TACC2: variants seen among roughly 807,000 people sequenced by gnomAD.
TACC2 encodes the protein transforming acidic coiled-coil containing protein 2.
TACC2 carries 137 observed loss-of-function variants against 227.3 expected under a neutral mutation model. That is an observed-to-expected ratio of 0.60 (90% CI 0.52 to 0.69). The LOEUF (loss-of-function observed/expected upper bound fraction) is 0.69, where lower values mean the gene tolerates loss of function less well. Among genes scored for constraint, TACC2 ranks in the 30% least tolerant of loss-of-function variants. The pLI is 0.00. For missense variants in TACC2, 3,470 were observed against 3,694.4 expected (o/e 0.94, Z 1.57); for synonymous variants, 1,523 against 1,487.5 (o/e 1.02, Z -0.55).
intron 8 of TACC2, among the ~76,000 whole-genome samples, chr10:122,204,320 T>C (rs1215335315): frequency 6.6e-6 from 1 of 152,168 alleles, no homozygotes; most frequent in African/African-American, 2.4e-5. Context: ...GCCGGTGTTA[T>C]TTCCCCCATT....
In TACC2 at chr10:122,087,866, A is replaced by T; in HGVS notation, c.5366A>T (p.Asp1789Val). ...CCTGAGCGCCCCATTCCAGCTGGGG[A>T]TGGGAAGGTGTGCGTCTCCTCACCT... ...PGPERPIPAG[D>V]GKVCVSSPPE... Residue 1789 changes from aspartate (D) to valine (V), a missense_variant, in exon 4 of 23, where the codon GAT becomes GTT. Asp to Val is a radical substitution (Grantham distance 152, BLOSUM62 -3). Transcript: ENST00000369005. The T allele has an allele frequency of 1.3e-6, 2 of 1,522,158 alleles. No homozygotes were observed. Among genetic ancestry groups the T allele is most frequent in the East Asian group, 2.3e-5 (1 of 44,072 alleles). 94.3% of individuals were successfully genotyped at this position (1,522,158 alleles called of 1,614,324 possible).
At chr10:121,993,893 C>A (rs762759058) in intron 1 of TACC2, among the ~76,000 whole-genome samples, 6 of 152,148 alleles carry the variant, frequency 3.9e-5, no homozygotes, top group Non-Finnish European at 7.3e-5. Context: ...TTTGGCCTCC[C>A]CAAGTGCTGA....
chr10:122,219,773 C>T (rs1461817557), intron 11 of TACC2, among the ~76,000 whole-genome samples: 2 of 152,146 alleles, frequency 1.3e-5, no homozygotes, highest in Admixed American at 6.5e-5. Flanking sequence ...CGTGGTGGCT[C>T]ACACCTCTAA....
At chr10:122,093,770 TC>T (rs1452752362) in intron 5 of TACC2, among the ~76,000 whole-genome samples, 1 of 152,198 alleles carries the variant, frequency 6.6e-6, no homozygotes, top group Non-Finnish European at 1.5e-5. Context: ...TTGGAATGTT[TC>T]CAAAGCTCCT....
intron 19 of TACC2, among the ~76,000 whole-genome samples, chr10:122,242,441 G>A (rs911846191): frequency 1.3e-5 from 2 of 152,148 alleles, no homozygotes; most frequent in Middle Eastern, 3.2e-3. Context: ...AGTGGACCAC[G>A]GCGTGATTGT....
At position 122,131,162 on chromosome 10, in the gene TACC2, A is replaced by G. The variant is rs1040696698; in HGVS notation, c.5574-1447A>G. On this transcript the variant is annotated intron_variant, in intron 5 of 22. Transcript: ENST00000369005. ...CACTGCATTTCAGTCTGGGCAGCAGAGGGAGACGCTTTCTCAAAAAAAAAA... is the reference window on the plus strand; with the variant it reads ...CACTGCATTTCAGTCTGGGCAGCAGGGGGAGACGCTTTCTCAAAAAAAAAA... 2.0e-4 allele frequency among the ~76,000 whole-genome samples: 26 copies of G among 131,276 alleles called. No homozygotes were observed. In the South Asian group the frequency reaches 6.2e-3, roughly 32 times the overall value. The allele number at this position is 131,276 out of a possible 152,430, so 86.1% of individuals were successfully genotyped here. A position where few individuals can be genotyped will look rare whatever the true frequency, so the allele number is the denominator to read the frequency against.
chr10:122,133,557 A>G (rs774005534), intron 6 of TACC2, among the ~76,000 whole-genome samples: 1 of 152,140 alleles, frequency 6.6e-6, no homozygotes, highest in African/African-American at 2.4e-5. Context: ...ACACGCGTGC[A>G]CACATTTTAA....
At position 122,106,090 on chromosome 10, in the gene TACC2, C is replaced by T. The variant is rs928920158; in HGVS notation, c.5573+17499C>T. Among the ~76,000 whole-genome samples the T allele has an allele frequency of 3.6e-4, 54 of 151,096 alleles. 1 individual carries two copies. The highest frequency in any genetic ancestry group is 1.2e-3 in the Admixed American group (18 of 15,118). On this transcript the variant is annotated intron_variant, in intron 5 of 22. Coordinates refer to ENST00000369005, the MANE Select transcript of TACC2 (RefSeq NM_206862.4). Reference sequence around the variant, plus strand: ...GCAGCCTCCGCCTCCTGGGTTCAAGCGATTCTCCTGCCTCAGCCTCCCCAG... The same window carrying T: ...GCAGCCTCCGCCTCCTGGGTTCAAGTGATTCTCCTGCCTCAGCCTCCCCAG...
At chr10:122,026,990 T>C (rs1958115000) in intron 2 of TACC2, among the ~76,000 whole-genome samples, 1 of 152,196 alleles carries the variant, frequency 6.6e-6, no homozygotes, top group African/African-American at 2.4e-5. Context: ...GCGAGCGTGA[T>C]TGCTGAATCA....
At chr10:122,229,700 T>C (rs1382196290) in intron 15 of TACC2, among the ~76,000 whole-genome samples, 1 of 152,188 alleles carries the variant, frequency 6.6e-6, no homozygotes, top group Non-Finnish European at 1.5e-5. Flanking sequence ...GAACAAACCA[T>C]TTCTATTTCA....
chr10:122,000,795 G>A (rs746188719), intron 1 of TACC2, among the ~76,000 whole-genome samples: 1 of 151,506 alleles, frequency 6.6e-6, no homozygotes, highest in Non-Finnish European at 1.5e-5. Flanking sequence ...GTTTTGTTTT[G>A]TTTTCTGTTT....
At chr10:122,114,369 G>A (rs2084248843) in intron 5 of TACC2, among the ~76,000 whole-genome samples, 1 of 152,232 alleles carries the variant, frequency 6.6e-6, no homozygotes, top group Non-Finnish European at 1.5e-5. Context: ...TGAGATGCAC[G>A]TGCAGATTAA....
rs762000937 is a variant in TACC2, at chr10:122,087,946, C to A, written c.5446C>A (p.Leu1816Ile). 11 of 1,504,316 alleles carry A rather than the reference C, an allele frequency of 7.3e-6. No homozygotes were observed. Among genetic ancestry groups the A allele is most frequent in the Admixed American group, 4.7e-5 (2 of 42,992 alleles). 93.2% of individuals were successfully genotyped at this position (1,504,316 alleles called of 1,614,324 possible). A position where few individuals can be genotyped will look rare whatever the true frequency, so the allele number is the denominator to read the frequency against. ...GCTGCAACATTTGGCTCCAGAAGAG[C>A]TCCACACTGACAGGTACTTAAATGA... ...PKLQHLAPEE[L>I]HTDRESPRPG... The change falls in exon 4 of 23, where the codon CTC becomes ATC. Residue 1816 changes from leucine to isoleucine, a missense_variant. Physicochemically the swap from Leu to Ile is conservative, Grantham distance 5. Transcript: ENST00000369005.
rs1341641620 is a variant in TACC2 at position 122,084,737 on chromosome 10, A to C, written c.2237A>C (p.Lys746Thr). 1 of 1,613,662 alleles carries C rather than the reference A, an allele frequency of 6.2e-7. No individual in the cohort carries two copies. Among genetic ancestry groups the C allele is most frequent in the Non-Finnish European group, 8.5e-7 (1 of 1,180,022 alleles). ...QEGESTLEIR[K>T]MGSCDGEGLL... ...GGTGAGAGCACATTGGAAATAAGGA[A>C]GATGGGCAGCTGTGATGGGGAGGGC... The change falls in exon 4 of 23, where the codon AAG becomes ACG. Residue 746 changes from lysine (K) to threonine (T), a missense_variant. Physicochemically the swap from Lys to Thr is moderately conservative, Grantham distance 78 (BLOSUM62 -1). Transcript: ENST00000369005.
At chr10:122,221,417 C>T (rs1481473159) in intron 11 of TACC2, among the ~76,000 whole-genome samples, 1 of 152,204 alleles carries the variant, frequency 6.6e-6, no homozygotes, top group Non-Finnish European at 1.5e-5. Context: ...ATTCAGAAGT[C>T]TCAGTGACTC....
intron 5 of TACC2, among the ~76,000 whole-genome samples, chr10:122,120,945 T>G (rs1160518764): frequency 6.6e-6 from 1 of 152,156 alleles, no homozygotes; most frequent in Non-Finnish European, 1.5e-5. Flanking sequence ...TTGCATTTTT[T>G]GGTACAGAGG....
At position 122,143,618 on chromosome 10, in the gene TACC2, G is replaced by A. The variant is rs12765679; in HGVS notation, c.5746G>A (p.Glu1916Lys). The A allele has an allele frequency of 0.2, 322,594 of 1,613,900 alleles. 35,881 individuals are homozygous for A. The highest frequency in any genetic ancestry group is 0.23 in the Non-Finnish European group (272,477 of 1,179,874). ...AHAGLPPSAA[E>K]HIVSPSAPAG... ...TGCGGGTCTTCCTCCCTCGGCTGCA[G>A]AACACATAGTTTCGCCATCTGCCCC... The change falls in exon 7 of 23, where the codon GAA (glutamate) becomes AAA (lysine). Residue 1916 changes from glutamate to lysine, a missense_variant. By Grantham distance (56) the Glu-to-Lys change is moderately conservative. Around this residue, in one of 10 missense-constraint regions of TACC2, gnomAD observed 1,924 missense variants for 1,978.3 expected, o/e 0.97. Coordinates refer to ENST00000369005, the MANE Select transcript of TACC2 (RefSeq NM_206862.4).
rs781537142 is a variant in TACC2 at position 122,211,641 on chromosome 10, G to A, written c.7216G>A (p.Glu2406Lys). 5.0e-6 allele frequency: 8 copies of A among 1,609,488 alleles called. No individual in the cohort carries two copies. The highest frequency in any genetic ancestry group is 5.9e-6 in the Non-Finnish European group (7 of 1,178,234). Reference protein sequence around the residue: ...ASFEIPASAMEANGVDGDGLN... With the variant: ...ASFEIPASAMKANGVDGDGLN... Reference sequence around the variant, plus strand: ...CTTTGAGATCCCAGCCAGTGCTATGGAAGCCAATGGAGTGGACGGGGATGG... The same window carrying A: ...CTTTGAGATCCCAGCCAGTGCTATGAAAGCCAATGGAGTGGACGGGGATGG... Residue 2406 changes from glutamate (E) to lysine (K), a missense_variant, in exon 9 of 23, where the codon GAA (glutamate) becomes AAA (lysine). Coordinates refer to ENST00000369005, the MANE Select transcript of TACC2 (RefSeq NM_206862.4).
intron 5 of TACC2, among the ~76,000 whole-genome samples, chr10:122,098,647 AG>A (rs2081764041): frequency 6.6e-6 from 1 of 152,250 alleles, no homozygotes; most frequent in African/African-American, 2.4e-5. Flanking sequence ...CCTGGCATGC[AG>A]TAAGCACTGA....
Sources: allele counts gnomAD v4.1 joint callset (sites outside exome capture counted in the v4.1 genomes callset), GRCh38; gene constraint gnomAD v4.1.1; regional missense constraint gnomAD v4.1.1; transcripts MANE v1.5; gene names NCBI Gene and HGNC (gene_info 2026-07-23, HGNC 2026-07-21).